Variants in DPP10 observed in about 807,000 individuals in gnomAD.
DPP10 encodes the protein inactive dipeptidyl peptidase 10.
In DPP10, 33 loss-of-function variants were observed where a neutral mutation model predicts 120.9. The ratio of observed to expected loss-of-function variants is 0.27; its 90% CI spans 0.21 to 0.37. The LOEUF is 0.37. Ranked by LOEUF, DPP10 falls within the 10% of genes least tolerant of loss-of-function variation. The pLI, the probability that DPP10 is intolerant of heterozygous loss-of-function variation, is 1.00. For missense variants in DPP10, 816 were observed against 942.8 expected, an observed-to-expected ratio of 0.87 and a Z score of 1.76; for synonymous variants, 337 against 326.1, an observed-to-expected ratio of 1.03 and a Z score of -0.36.
chr2:114,533,686 T>C (rs1215679656), intron 1 of DPP10, among the ~76,000 whole-genome samples: 1 of 152,160 alleles, frequency 6.6e-6, no homozygotes, highest in Non-Finnish European at 1.5e-5. Context: ...TGTTTGAAAA[T>C]ATCTTTATTG....
chr2:115,320,211 C>T (rs1426969285), intron 2 of DPP10, among the ~76,000 whole-genome samples: 1 of 152,076 alleles, frequency 6.6e-6, no homozygotes, highest in African/African-American at 2.4e-5. Flanking sequence ...TTCTTGATTA[C>T]AGTTTGCAAA....
intron 1 of DPP10, among the ~76,000 whole-genome samples, chr2:114,525,196 G>A (rs191731065): frequency 5.9e-5 from 9 of 152,176 alleles, no homozygotes; most frequent in Non-Finnish European, 5.9e-5. Context: ...ATAAATAGAT[G>A]TTAGTGCATT....
intron 1 of DPP10, among the ~76,000 whole-genome samples, chr2:114,885,839 T>G (rs918726635): frequency 6.6e-6 from 1 of 152,236 alleles, no homozygotes; most frequent in Non-Finnish European, 1.5e-5. Flanking sequence ...GTTCTTCCAC[T>G]TGCTATTTGT....
intron 5 of DPP10, among the ~76,000 whole-genome samples, chr2:115,609,196 A>G (rs2083914206): frequency 6.6e-6 from 1 of 152,176 alleles, no homozygotes; most frequent in Non-Finnish European, 1.5e-5. Context: ...TTAAATAAGC[A>G]TCTTCAAAAT....
intron 5 of DPP10, among the ~76,000 whole-genome samples, chr2:115,590,632 G>GCA (rs1241842794): frequency 0.015 from 2,249 of 152,264 alleles, 54 homozygotes; most frequent in African/African-American, 0.052. Context: ...AAACATACGT[G>GCA]TGAATGTGTC....
chr2:115,219,272 GA>G (rs1553518654), intron 1 of DPP10, among the ~76,000 whole-genome samples: 2 of 151,942 alleles, frequency 1.3e-5, no homozygotes, highest in Non-Finnish European at 2.9e-5. Context: ...CAAAATTCTC[GA>G]AAATGAACAA....
At chr2:114,594,996 G>A (rs1691789530) in intron 1 of DPP10, among the ~76,000 whole-genome samples, 1 of 151,766 alleles carries the variant, frequency 6.6e-6, no homozygotes. Context: ...ATTCTCTCTT[G>A]GTGTTTGTTC....
At chr2:115,346,551 A>C (rs2063721515) in intron 3 of DPP10, among the ~76,000 whole-genome samples, 1 of 152,168 alleles carries the variant, frequency 6.6e-6, no homozygotes, top group Non-Finnish European at 1.5e-5. Context: ...TGGTTAGCTT[A>C]ACAACGGCCT....
At chr2:115,178,476 A>G (rs1277261868) in intron 1 of DPP10, among the ~76,000 whole-genome samples, 1 of 152,220 alleles carries the variant, frequency 6.6e-6, no homozygotes, top group Non-Finnish European at 1.5e-5. Flanking sequence ...CACGACTACT[A>G]TGAATACCAC....
intron 1 of DPP10, among the ~76,000 whole-genome samples, chr2:115,082,365 G>T (rs1708344493): frequency 6.6e-6 from 1 of 152,098 alleles, no homozygotes; most frequent in Non-Finnish European, 1.5e-5. Context: ...CAAAGTCTGT[G>T]TTAAAATAGC....
chr2:115,214,536 G>A (rs2056702343), intron 1 of DPP10, among the ~76,000 whole-genome samples: 1 of 152,096 alleles, frequency 6.6e-6, no homozygotes, highest in African/African-American at 2.4e-5. Context: ...AGAGGGAGCA[G>A]GTAGGGAAAT....
intron 1 of DPP10, among the ~76,000 whole-genome samples, chr2:114,897,892 T>C (rs1450061964): frequency 1.3e-5 from 2 of 151,864 alleles, no homozygotes; most frequent in Non-Finnish European, 2.9e-5. Context: ...ACTTTTACAC[T>C]GTTGGTGGGA....
intron 5 of DPP10, among the ~76,000 whole-genome samples, chr2:115,541,497 CGAGAGAGA>C (rs143431952): frequency 6.7e-6 from 1 of 149,160 alleles, no homozygotes; most frequent in Non-Finnish European, 1.5e-5. Context: ...TGTGTGTGTG[CGAGAGAGA>C]GAGAGAGATT....
At chr2:114,918,418 C>T (rs1694959867) in intron 1 of DPP10, among the ~76,000 whole-genome samples, 1 of 152,078 alleles carries the variant, frequency 6.6e-6, no homozygotes, top group Non-Finnish European at 1.5e-5. Context: ...AACAATCTAC[C>T]ATTTGACCCA....
intron 1 of DPP10, among the ~76,000 whole-genome samples, chr2:115,302,027 G>C (rs1019522674): frequency 1.3e-5 from 2 of 151,988 alleles, no homozygotes; most frequent in Non-Finnish European, 2.9e-5. Flanking sequence ...AGGCTTAACA[G>C]GAAGTATGAC....
At chr2:115,569,475 TATTA>T (rs2081213605) in intron 5 of DPP10, among the ~76,000 whole-genome samples, 3 of 152,374 alleles carry the variant, frequency 2.0e-5, no homozygotes, top group East Asian at 1.9e-4. Flanking sequence ...TTATATCAGA[TATTA>T]ATTATACTTG....
chr2:115,444,184 A>G (rs2072350129), intron 3 of DPP10, among the ~76,000 whole-genome samples: 4 of 152,194 alleles, frequency 2.6e-5, no homozygotes, highest in Admixed American at 2.6e-4. Context: ...AGATGGTCCA[A>G]GTTCTGGTCA....
chr2:115,276,380 A>C (rs1288739838), intron 1 of DPP10, among the ~76,000 whole-genome samples: 1 of 152,192 alleles, frequency 6.6e-6, no homozygotes, highest in Non-Finnish European at 1.5e-5. Context: ...AGCAGAAAAC[A>C]CATTATATGG....
At chr2:114,914,671 G>T (rs1694635520) in intron 1 of DPP10, among the ~76,000 whole-genome samples, 4 of 152,162 alleles carry the variant, frequency 2.6e-5, no homozygotes, top group Admixed American at 2.0e-4. Flanking sequence ...GCTAGCAACA[G>T]AAAGACAGGA....
Sources: allele counts gnomAD v4.1 joint callset (sites outside exome capture counted in the v4.1 genomes callset), GRCh38; gene constraint gnomAD v4.1.1; transcripts MANE v1.5; gene names NCBI Gene and HGNC (gene_info 2026-07-23, HGNC 2026-07-21).